The following BIN2 variants were observed in gnomAD, a reference collection of about 807,000 sequenced individuals.
BIN2 encodes bridging integrator 2.
Under a neutral mutation model 67.9 loss-of-function variants are expected in BIN2, and 43 were observed. The observed-to-expected ratio is 0.63, with a 90% confidence interval of 0.50 to 0.82. The LOEUF is 0.82. BIN2 is among the 40% of genes least tolerant of loss of function. BIN2 has a pLI of 0.00. For missense variants in BIN2, 581 were observed against 671.6 expected (o/e 0.87, Z 1.49); for synonymous variants, 244 against 246.8 (o/e 0.99, Z 0.11).
chr12:51,311,849 G>A (rs1239859521), intron 2 of BIN2, among the ~76,000 whole-genome samples: 25 of 151,886 alleles, frequency 1.6e-4, no homozygotes, highest in Admixed American at 1.6e-3. Flanking sequence ...TTGGCTCACT[G>A]CAACTTCCGC....
At chr12:51,293,619 T>C (rs2137365939) in intron 9 of BIN2, among the ~76,000 whole-genome samples, 1 of 152,264 alleles carries the variant, frequency 6.6e-6, no homozygotes, top group Non-Finnish European at 1.5e-5. Context: ...GCACAAAAAC[T>C]TACATAGATC....
intron 12 of BIN2, 76 bp downstream of exon 12, chr12:51,284,640 G>C (rs1945192307): frequency 8.6e-7 from 1 of 1,160,944 alleles, no homozygotes; most frequent in Non-Finnish European, 1.3e-6. Context: ...CTTGTAGCCT[G>C]TGGTGAAGAT....
chr12:51,300,309 C>A (rs1340648107), intron 5 of BIN2, among the ~76,000 whole-genome samples: 1 of 151,938 alleles, frequency 6.6e-6, no homozygotes, highest in Non-Finnish European at 1.5e-5. Context: ...TCCACCTCCA[C>A]CTCCCGCTGT....
intron 2 of BIN2, among the ~76,000 whole-genome samples, chr12:51,313,135 G>A (rs920078762): frequency 1.3e-5 from 2 of 151,016 alleles, no homozygotes; most frequent in African/African-American, 4.9e-5. Context: ...CTACTCGGGA[G>A]GCTGAGGCAG....
Position 51,284,755 on chromosome 12 carries a change from T to C in BIN2, c.1629A>G (p.Pro543=). 1 of 1,613,764 alleles carries C rather than the reference T, an allele frequency of 6.2e-7. No individual in the cohort carries two copies. The highest frequency in any genetic ancestry group is 1.1e-5 in the South Asian group (1 of 91,084). ...CAGGTGCTGTGAGGTTGTTGTTTTC[T>C]GGTACCATGGAGACTTGAAGCTGGT... The part of the protein sequence containing the change: ...GQDQLQVSMV[P]ENNNLTAPEP... The change falls in exon 12 of 13, where the codon CCA becomes CCG. Residue 543 remains proline, a synonymous_variant. Transcript: ENST00000615107.
rs1411761048 is a variant in BIN2, at chr12:51,299,719, C to A, written c.409-5G>T. 2 of 1,613,756 alleles carry A rather than the reference C, an allele frequency of 1.2e-6. No individual in the cohort carries two copies. Among genetic ancestry groups the A allele is most frequent in the East Asian group, 2.2e-5 (1 of 44,878 alleles). ...ACCCCGCTTGGCAATTCTCTCCTGA[C>A]CCAGGGTAATGAGAAAGGGTGTGGA... is the stretch of plus-strand genomic sequence containing the variant. On this transcript the variant is annotated splice_polypyrimidine_tract_variant and splice_region_variant and intron_variant, in intron 5 of 12. Coordinates refer to ENST00000615107, the MANE Select transcript of BIN2 (RefSeq NM_016293.4).
chr12:51,320,934 A>ACACACACACACACACACACACACACAC (rs1565693311), intron 1 of BIN2, among the ~76,000 whole-genome samples: 1 of 39,082 alleles, frequency 2.6e-5, no homozygotes, highest in Non-Finnish European at 6.0e-5. Context: ...TATCATACTA[A>ACACACACACACACACACACACACACAC]AAACACACAC....
chr12:51,281,619 T>C, intron 12 of BIN2, 91 bp from the exon 13 acceptor site: 1 of 1,347,972 alleles, frequency 7.4e-7, no homozygotes, highest in Non-Finnish European at 1.1e-6. Context: ...TCTACTGAAT[T>C]ATACTTCATG....
intron 9 of BIN2, among the ~76,000 whole-genome samples, 187 bp downstream of exon 9, chr12:51,295,609 T>G (rs866740021): frequency 4.5e-5 from 2 of 44,792 alleles, no homozygotes; most frequent in Non-Finnish European, 7.8e-5. Context: ...TATATATATA[T>G]ATATATATAT....
chr12:51,318,807 C>T (rs1025104344), intron 1 of BIN2, among the ~76,000 whole-genome samples: 11 of 152,146 alleles, frequency 7.2e-5, no homozygotes, highest in African/African-American at 2.4e-4. Flanking sequence ...ATGTAAATTG[C>T]TTTCTCAGAG....
chr12:51,319,029 C>G (rs1040866713), intron 1 of BIN2, among the ~76,000 whole-genome samples: 12 of 152,230 alleles, frequency 7.9e-5, no homozygotes, highest in Non-Finnish European at 1.5e-5. Flanking sequence ...GCTAACAAAA[C>G]ACTGTTCTCT....
Position 51,310,187 on chromosome 12 carries a change from G to A in BIN2, c.162+3636C>T, listed in dbSNP as rs76930728. Reference sequence around the variant, plus strand: ...AAAACAAAAACCTGAATCTCATCAAGCCTCTAAGTCTATCCATTTATAGAA... The same window carrying A: ...AAAACAAAAACCTGAATCTCATCAAACCTCTAAGTCTATCCATTTATAGAA... On this transcript the variant is annotated intron_variant, in intron 2 of 12. Transcript: ENST00000615107. 9.0e-3 allele frequency among the ~76,000 whole-genome samples: 1,367 copies of A among 152,226 alleles called. 28 individuals carry two copies. Among genetic ancestry groups the A allele is most frequent in the African/African-American group, 0.031 (1,293 of 41,528 alleles).
intron 9 of BIN2, 59 bp from the exon 10 acceptor site, chr12:51,292,403 G>A: frequency 6.8e-7 from 1 of 1,471,412 alleles, no homozygotes. Context: ...ATGTAAATAT[G>A]CAAAACTTAC....
intron 4 of BIN2, 110 bp downstream of exon 4, chr12:51,302,576 G>A: frequency 2.2e-6 from 2 of 913,618 alleles, no homozygotes; most frequent in Non-Finnish European, 3.5e-6. Context: ...AATGCACAGT[G>A]TGAACTGGCT....
At chr12:51,291,191 C>T (rs1040037266) in intron 10 of BIN2, among the ~76,000 whole-genome samples, 4 of 151,940 alleles carry the variant, frequency 2.6e-5, no homozygotes, top group African/African-American at 9.7e-5. Context: ...GTCAATTACC[C>T]TAAAAGTAGA....
chr12:51,317,706 A>AG, intron 1 of BIN2, among the ~76,000 whole-genome samples: 1 of 149,984 alleles, frequency 6.7e-6, no homozygotes, highest in Non-Finnish European at 1.5e-5. Context: ...AAGAAAAAAA[A>AG]GGCCGGGAGC....
Position 51,294,577 on chromosome 12 carries a change from A to C in BIN2, c.761+1219T>G, listed in dbSNP as rs571966068. ...GCAAGACCCTGTCTCAAAAAAAAAA[A>C]AAACAAAAAAAACCCCCCAAAAACA... On this transcript the variant is annotated intron_variant, in intron 9 of 12. Coordinates refer to ENST00000615107, the MANE Select transcript of BIN2 (RefSeq NM_016293.4). Among the ~76,000 whole-genome samples, 646 of 151,970 alleles carry C rather than the reference A, an allele frequency of 4.3e-3. 18 individuals carry two copies. Among genetic ancestry groups the C allele is most frequent in the Admixed American group, 0.032 (486 of 15,232 alleles).
In BIN2 at chr12:51,297,181, C is replaced by A; in HGVS notation, c.603-17G>T. Reference sequence around the variant, plus strand: ...CCAATACGACTATTAGGAAGCAAAACCACAAACACATACGAGTAAGGCATG... The same window carrying A: ...CCAATACGACTATTAGGAAGCAAAAACACAAACACATACGAGTAAGGCATG... On this transcript the variant is annotated splice_polypyrimidine_tract_variant and intron_variant, in intron 7 of 12. Transcript: ENST00000615107. 1 of 1,605,742 alleles carries A rather than the reference C, an allele frequency of 6.2e-7. No individual in the cohort carries two copies. Among genetic ancestry groups the A allele is most frequent in the Admixed American group, 1.7e-5 (1 of 59,938 alleles).
Position 51,305,865 on chromosome 12 carries a change from G to A in BIN2, c.163-2724C>T, listed in dbSNP as rs1460621515. On this transcript the variant is annotated intron_variant, in intron 2 of 12. Transcript: ENST00000615107. ...TTTTTTTTTTTTGAGATGGAGTCTC[G>A]CTCTGTCGCCCAGGCTGGAGTGCAG... Among the ~76,000 whole-genome samples the A allele has an allele frequency of 5.2e-5, 6 of 114,782 alleles. No individual in the cohort carries two copies. In the East Asian group the frequency reaches 7.9e-4, roughly 15 times the overall value. The allele number at this position is 114,782 out of a possible 152,430, so 75.3% of individuals were successfully genotyped here.
Sources: allele counts gnomAD v4.1 joint callset (sites outside exome capture counted in the v4.1 genomes callset), GRCh38; gene constraint gnomAD v4.1.1; transcripts MANE v1.5; gene names NCBI Gene and HGNC (gene_info 2026-07-23, HGNC 2026-07-21).